The following GALNTL6 variants were observed in gnomAD, a reference collection of about 807,000 sequenced individuals.
GALNTL6 encodes polypeptide N-acetylgalactosaminyltransferase-like 6.
Under a neutral mutation model 73.7 loss-of-function variants are expected in GALNTL6, and 46 were observed. The observed-to-expected ratio is 0.62, with a 90% CI of 0.49 to 0.80. The LOEUF (loss-of-function observed/expected upper bound fraction) is 0.80, where lower values mean the gene tolerates loss of function less well. Ranked by LOEUF, GALNTL6 falls within the 30% of genes least tolerant of loss-of-function variation. GALNTL6 has a pLI of 0.00. For missense variants in GALNTL6, 604 were observed against 755.0 expected (o/e 0.80, Z 2.34); for synonymous variants, 259 against 263.7 (o/e 0.98, Z 0.17).
intron 2 of GALNTL6, among the ~76,000 whole-genome samples, chr4:171,974,757 T>TAC (rs1739670368): frequency 6.6e-6 from 1 of 152,008 alleles, no homozygotes; most frequent in Non-Finnish European, 1.5e-5. Flanking sequence ...GAGTTTGAGA[T>TAC]GTTACTTTTA....
intron 10 of GALNTL6, among the ~76,000 whole-genome samples, chr4:172,997,861 TA>T (rs908727326): frequency 6.6e-6 from 1 of 152,176 alleles, no homozygotes; most frequent in Non-Finnish European, 1.5e-5. Context: ...TTCACACAAG[TA>T]AAAAAGTTTT....
rs1042050646 is a variant in GALNTL6 at position 172,208,595 on chromosome 4, C to T, written c.139-21061C>T. ...GTAAATACTCCGCAAAGCTGGGAGG[C>T]GTTGTGTATTATTTCACTCATAAGG... On this transcript the variant is annotated intron_variant, in intron 2 of 12. Coordinates refer to ENST00000506823, the MANE Select transcript of GALNTL6 (RefSeq NM_001034845.3). Among the ~76,000 whole-genome samples, 30 of 151,980 alleles carry T rather than the reference C, an allele frequency of 2.0e-4. No individual in the cohort carries two copies. The East Asian group carries it at 4.8e-3, about 25-fold the overall frequency.
chr4:172,692,066 A>G (rs1733340623), intron 5 of GALNTL6, among the ~76,000 whole-genome samples: 1 of 152,080 alleles, frequency 6.6e-6, no homozygotes, highest in African/African-American at 2.4e-5. Context: ...GCATATGTTT[A>G]TTACCAATTA....
At chr4:172,049,396 A>G (rs769228343) in intron 2 of GALNTL6, among the ~76,000 whole-genome samples, 3 of 152,164 alleles carry the variant, frequency 2.0e-5, no homozygotes, top group Non-Finnish European at 4.4e-5. Context: ...TCCTGCCCAC[A>G]TGCCATTAGA....
chr4:172,965,337 A>G (rs1750273059), intron 10 of GALNTL6, among the ~76,000 whole-genome samples: 1 of 152,234 alleles, frequency 6.6e-6, no homozygotes, highest in African/African-American at 2.4e-5. Flanking sequence ...CTGTAATCCC[A>G]GCACTTTGGG....
intron 5 of GALNTL6, among the ~76,000 whole-genome samples, chr4:172,575,265 A>T (rs777442838): frequency 2.0e-5 from 3 of 152,088 alleles, no homozygotes; most frequent in Non-Finnish European, 2.9e-5. Flanking sequence ...TTTTTAGGGA[A>T]TTTTCCTTAC....
chr4:171,955,996 ATT>A (rs1292112076), intron 2 of GALNTL6, among the ~76,000 whole-genome samples: 1 of 119,370 alleles, frequency 8.4e-6, no homozygotes, highest in Non-Finnish European at 1.8e-5. Context: ...TTACTTACTA[ATT>A]TGTGTGTGTG....
intron 7 of GALNTL6, among the ~76,000 whole-genome samples, chr4:172,830,611 G>C (rs1024619367): frequency 1.3e-5 from 2 of 152,216 alleles, no homozygotes; most frequent in African/African-American, 4.8e-5. Flanking sequence ...CCCTAGTTGA[G>C]AGGTATGAAA....
intron 5 of GALNTL6, among the ~76,000 whole-genome samples, chr4:172,596,726 G>T (rs937043125): frequency 1.3e-5 from 2 of 152,006 alleles, no homozygotes; most frequent in African/African-American, 4.8e-5. Context: ...TTAATCTAAG[G>T]ACAGTATTAT....
At chr4:172,791,583 G>T (rs1222983404) in intron 5 of GALNTL6, among the ~76,000 whole-genome samples, 1 of 152,142 alleles carries the variant, frequency 6.6e-6, no homozygotes, top group African/African-American at 2.4e-5. Flanking sequence ...TCTAAGAGGG[G>T]TTGTGAGTTA....
intron 5 of GALNTL6, among the ~76,000 whole-genome samples, chr4:172,661,007 G>A (rs1380597733): frequency 3.3e-5 from 5 of 152,204 alleles, no homozygotes; most frequent in African/African-American, 1.2e-4. Flanking sequence ...TTAAGAATGT[G>A]AAAGGTGAAT....
At chr4:172,481,695 C>A (rs764023228) in intron 5 of GALNTL6, among the ~76,000 whole-genome samples, 2 of 152,142 alleles carry the variant, frequency 1.3e-5, no homozygotes, top group Non-Finnish European at 2.9e-5. Context: ...TAGCTAGAGG[C>A]AGAGCACTGA....
At chr4:172,441,692 T>TTA (rs1731843432) in intron 5 of GALNTL6, among the ~76,000 whole-genome samples, 1 of 152,164 alleles carries the variant, frequency 6.6e-6, no homozygotes, top group Non-Finnish European at 1.5e-5. Flanking sequence ...TTAGATAAAT[T>TTA]TCGTTCAGGC....
intron 2 of GALNTL6, among the ~76,000 whole-genome samples, chr4:171,831,263 A>G (rs1734961590): frequency 2.6e-5 from 4 of 152,062 alleles, no homozygotes; most frequent in South Asian, 2.1e-4. Context: ...AGAAAAATCA[A>G]AGGTAAAACA....
At chr4:172,678,059 C>T (rs531123738) in intron 5 of GALNTL6, among the ~76,000 whole-genome samples, 4 of 152,248 alleles carry the variant, frequency 2.6e-5, no homozygotes, top group Admixed American at 2.6e-4. Flanking sequence ...ATGTGCGTGT[C>T]TTTGTTTAGT....
At chr4:172,922,365 A>G (rs902008361) in intron 8 of GALNTL6, among the ~76,000 whole-genome samples, 1 of 152,136 alleles carries the variant, frequency 6.6e-6, no homozygotes, top group Non-Finnish European at 1.5e-5. Flanking sequence ...AATATAATCC[A>G]TATCTTTCAG....
chr4:171,861,506 A>T (rs17057511), intron 2 of GALNTL6, among the ~76,000 whole-genome samples: 270 of 152,226 alleles, frequency 1.8e-3, no homozygotes, highest in African/African-American at 5.9e-3. Flanking sequence ...ACACTTTTGA[A>T]ACTCAGTGCA....
rs1346783629 is a variant in GALNTL6, at chr4:172,069,664, A to G, written c.139-159992A>G. ...TTCCTCATACATAGTATCTGACAAC[A>G]TATGTGTAATTTCTGCAGGAACAAG... is the stretch of plus-strand genomic sequence containing the variant. On this transcript the variant is annotated intron_variant, in intron 2 of 12. Coordinates refer to ENST00000506823, the MANE Select transcript of GALNTL6 (RefSeq NM_001034845.3). 3.1e-5 allele frequency among the ~76,000 whole-genome samples: 3 copies of G among 97,738 alleles called. 1 individual carries two copies. The highest frequency in any genetic ancestry group is 1.2e-4 in the African/African-American group (3 of 24,818). 64.1% of individuals were successfully genotyped at this position (97,738 alleles called of 152,430 possible).
chr4:172,803,743 ATTT>A (rs1199710365), intron 5 of GALNTL6, among the ~76,000 whole-genome samples: 1 of 152,040 alleles, frequency 6.6e-6, no homozygotes, highest in Non-Finnish European at 1.5e-5. Context: ...TTATCTATTT[ATTT>A]TTTTCCCAGC....
Sources: gnomAD v4.1 joint callset for allele counts (sites outside exome capture counted in the v4.1 genomes callset) on GRCh38, gnomAD v4.1.1 for gene constraint, MANE v1.5 for transcripts, NCBI Gene and HGNC (gene_info 2026-07-23, HGNC 2026-07-21) for gene names.